Variants in LRRIQ1 observed in about 807,000 individuals in gnomAD.
The protein encoded by LRRIQ1 is leucine-rich repeat- and IQ domain-containing protein 1.
A neutral mutation model predicts 211.9 loss-of-function variants in LRRIQ1; 210 were observed. That is an observed-to-expected ratio of 0.99 (90% CI 0.89 to 1.11). The LOEUF is 1.11. Among genes scored for constraint, LRRIQ1 ranks in the 50% most tolerant of loss-of-function variants. LRRIQ1 has a pLI of 0.00. For missense variants in LRRIQ1, 2,136 were observed against 1,939.5 expected (o/e 1.10, Z -1.90); for synonymous variants, 699 against 650.1 (o/e 1.08, Z -1.14).
At chr12:85,038,697 A>C (rs1177139818) in intron 2 of LRRIQ1, among the ~76,000 whole-genome samples, 1 of 151,566 alleles carries the variant, frequency 6.6e-6, no homozygotes, top group African/African-American at 2.4e-5. Flanking sequence ...ATTTATACCA[A>C]TATCCTTAAT....
At chr12:85,218,633 T>G (rs931895034) in intron 24 of LRRIQ1, among the ~76,000 whole-genome samples, 1 of 152,108 alleles carries the variant, frequency 6.6e-6, no homozygotes, top group Non-Finnish European at 1.5e-5. Context: ...TTTTACAGAC[T>G]GAATTAATTT....
At chr12:85,185,649 C>T (rs1892192555) in intron 24 of LRRIQ1, among the ~76,000 whole-genome samples, 1 of 151,872 alleles carries the variant, frequency 6.6e-6, no homozygotes, top group African/African-American at 2.4e-5. Flanking sequence ...TCTGAGGTTT[C>T]TAGCAAAGTG....
chr12:85,172,543 G>C (rs1168555626), intron 24 of LRRIQ1, among the ~76,000 whole-genome samples: 2 of 152,072 alleles, frequency 1.3e-5, no homozygotes, highest in African/African-American at 4.8e-5. Context: ...AATTAAATGA[G>C]AATCTAAGGG....
chr12:85,042,497 T>A (rs1362360072), intron 3 of LRRIQ1, among the ~76,000 whole-genome samples: 1 of 148,530 alleles, frequency 6.7e-6, no homozygotes, highest in Non-Finnish European at 1.5e-5. Flanking sequence ...ATCATAAGTT[T>A]ATTATTCATT....
At chr12:85,244,116 A>G (rs1470830020) in intron 26 of LRRIQ1, among the ~76,000 whole-genome samples, 2 of 151,568 alleles carry the variant, frequency 1.3e-5, no homozygotes, top group Non-Finnish European at 1.5e-5. Flanking sequence ...ACACTGTTTT[A>G]TAGGTAAGAA....
intron 15 of LRRIQ1, among the ~76,000 whole-genome samples, chr12:85,112,859 T>C (rs950349418): frequency 1.3e-5 from 2 of 152,168 alleles, no homozygotes; most frequent in Non-Finnish European, 2.9e-5. Flanking sequence ...ACAAAATCCC[T>C]GTTCTCCCGA....
chr12:85,229,888 A>G (rs185329161), intron 25 of LRRIQ1, among the ~76,000 whole-genome samples: 1 of 152,342 alleles, frequency 6.6e-6, no homozygotes, highest in Admixed American at 6.5e-5. Flanking sequence ...ATGAGCCACA[A>G]AAATAATTCT....
At chr12:85,270,189 T>C in the LRRIQ1 span, among the ~76,000 whole-genome samples, 2 of 152,104 alleles carry the variant, frequency 1.3e-5, no homozygotes, top group African/African-American at 4.8e-5. Flanking sequence ...TATAGTTTAA[T>C]CAATAAGAAT....
intron 15 of LRRIQ1, among the ~76,000 whole-genome samples, chr12:85,119,769 A>T (rs1482989242): frequency 1.3e-5 from 2 of 152,154 alleles, no homozygotes; most frequent in Non-Finnish European, 2.9e-5. Context: ...TCTAATGAAT[A>T]TCATGCCGAA....
chr12:85,147,231 G>A (rs1889951505), intron 19 of LRRIQ1, among the ~76,000 whole-genome samples: 1 of 151,806 alleles, frequency 6.6e-6, no homozygotes, highest in African/African-American at 2.4e-5. Context: ...ATTTGAAGGT[G>A]TAGTGTAGTC....
At chr12:85,090,368 C>T (rs1487586860) in intron 11 of LRRIQ1, among the ~76,000 whole-genome samples, 3 of 152,156 alleles carry the variant, frequency 2.0e-5, no homozygotes, top group Non-Finnish European at 2.9e-5. Context: ...CACGGTCCTC[C>T]AGACTCAAGA....
In LRRIQ1 at chr12:85,127,836, G is replaced by A. The variant is rs748072772; in HGVS notation, c.4012G>A (p.Ala1338Thr). Residue 1338 changes from alanine (A) to threonine (T), a missense_variant, in exon 18 of 27, where the codon GCA (alanine) becomes ACA (threonine). Transcript: ENST00000393217. ...QNIEPSEKIM[A>T]AVVIQSYWRG... Reference sequence around the variant, plus strand: ...TTTTTTTTCTCCTCTTAATAGTATGGCAGCTGTGGTAATCCAGTCATACTG... The same window carrying A: ...TTTTTTTTCTCCTCTTAATAGTATGACAGCTGTGGTAATCCAGTCATACTG... The A allele has an allele frequency of 2.0e-5, 33 of 1,613,036 alleles. No homozygotes were observed. The highest frequency in any genetic ancestry group is 2.8e-5 in the Non-Finnish European group (33 of 1,179,660).
In LRRIQ1 at chr12:85,085,137, A is replaced by G. The variant is rs1265184512; in HGVS notation, c.2887+12039A>G. Among the ~76,000 whole-genome samples the G allele has an allele frequency of 2.0e-5, 3 of 152,090 alleles. No homozygotes were observed. The East Asian group carries it at 5.8e-4, about 29-fold the overall frequency. Reference sequence around the variant, plus strand: ...GTTTCCCCCGCCCCCCAATTTATTTAGTTTCAGGGATTGTATTAGTCTGTT... The same window carrying G: ...GTTTCCCCCGCCCCCCAATTTATTTGGTTTCAGGGATTGTATTAGTCTGTT... On this transcript the variant is annotated intron_variant, in intron 11 of 26. Transcript: ENST00000393217.
At chr12:85,259,123 A>C (rs1164849271) in intron 1 of LRRIQ1, among the ~76,000 whole-genome samples, 9 of 152,052 alleles carry the variant, frequency 5.9e-5, no homozygotes, top group Non-Finnish European at 4.4e-5. Context: ...TTGTATAAGC[A>C]ATTGATGAGT....
chr12:85,234,866 A>G (rs1170584742), intron 26 of LRRIQ1, among the ~76,000 whole-genome samples: 1 of 152,218 alleles, frequency 6.6e-6, no homozygotes, highest in East Asian at 1.9e-4. Context: ...GAAATAAAAC[A>G]TTTCATTTAT....
chr12:85,053,971 G>T (rs7304576), intron 7 of LRRIQ1, among the ~76,000 whole-genome samples: 33,393 of 152,058 alleles, frequency 0.22, 4,339 homozygotes, highest in Admixed American at 0.31. Context: ...AGTTTCTTCG[G>T]GTGTGGAATA....
chr12:85,138,871 T>G (rs1201959296), intron 19 of LRRIQ1, among the ~76,000 whole-genome samples: 1 of 151,570 alleles, frequency 6.6e-6, no homozygotes, highest in Non-Finnish European at 1.5e-5. Context: ...TTTTAAAACC[T>G]GACCATGAAG....
chr12:85,198,007 ATAATATATTATATTATT>A (rs1893056854), intron 24 of LRRIQ1, among the ~76,000 whole-genome samples: 3 of 60,082 alleles, frequency 5.0e-5, no homozygotes, highest in Non-Finnish European at 6.5e-5. Flanking sequence ...TATAACATAT[ATAATATATTATATTATT>A]ATATATAACA....
At chr12:85,143,229 T>G (rs1406401044) in intron 19 of LRRIQ1, among the ~76,000 whole-genome samples, 1 of 151,788 alleles carries the variant, frequency 6.6e-6, no homozygotes, top group East Asian at 1.9e-4. Context: ...CATTTTTTCA[T>G]ATACCTATTA....
Sources: allele counts gnomAD v4.1 joint callset (sites outside exome capture counted in the v4.1 genomes callset), GRCh38; gene constraint gnomAD v4.1.1; transcripts MANE v1.5; gene names NCBI Gene and HGNC (gene_info 2026-07-23, HGNC 2026-07-21).